The following CFH variants were observed in gnomAD, a reference collection of about 807,000 sequenced individuals.
CFH encodes the protein complement factor H.
A neutral mutation model predicts 147.3 loss-of-function variants in CFH; 53 were observed. The observed-to-expected ratio is 0.36, with a 90% CI of 0.29 to 0.45. The LOEUF (loss-of-function observed/expected upper bound fraction) is 0.45, where lower values mean the gene tolerates loss of function less well. Ranked by LOEUF, CFH falls within the 20% of genes least tolerant of loss-of-function variation. CFH has a pLI of 1.00. For synonymous variants in CFH, 536 were observed against 489.4 expected, an observed-to-expected ratio of 1.10 and a Z score of -1.26; for missense variants, 1,380 against 1,498.0, an observed-to-expected ratio of 0.92 and a Z score of 1.30.
At chr1:196,658,585 G>A (rs1207743881) in intron 1 of CFH, among the ~76,000 whole-genome samples, 1 of 151,572 alleles carries the variant, frequency 6.6e-6, no homozygotes. Context: ...CTATTTTTTT[G>A]TATTTGTAGT....
Position 196,745,824 on chromosome 1 carries a change from A to G in CFH, c.3318A>G (p.Thr1106=), listed in dbSNP as rs1137971. ...TGAAATGATGTTTTTTAGATTCTAC[A>G]GGAAAATGTGGGCCCCCTCCACCTA... is the stretch of plus-strand genomic sequence containing the variant. ...WTEPPQCKDS[T]GKCGPPPPID... is the part of the protein sequence containing the mutation. Residue 1106 remains threonine, a synonymous_variant, in exon 21 of 22, where the codon ACA becomes ACG. Transcript: ENST00000367429. The G allele has an allele frequency of 1.9e-4, 306 of 1,613,958 alleles. 1 individual carries two copies. The highest frequency in any genetic ancestry group is 8.5e-4 in the South Asian group (77 of 91,062).
intron 7 of CFH, among the ~76,000 whole-genome samples, chr1:196,688,745 G>T (rs1667911699): frequency 6.6e-6 from 1 of 152,004 alleles, no homozygotes; most frequent in East Asian, 1.9e-4. Context: ...TAAGTAGCTG[G>T]AATTACAGGG....
chr1:196,670,846 A>G (rs1667252404), intron 1 of CFH, among the ~76,000 whole-genome samples: 1 of 152,100 alleles, frequency 6.6e-6, no homozygotes, highest in Admixed American at 6.5e-5. Flanking sequence ...TCTTTCATCA[A>G]TTTTGGAAAC....
intron 3 of CFH, among the ~76,000 whole-genome samples, chr1:196,674,916 G>A (rs1667404206): frequency 6.6e-6 from 1 of 152,106 alleles, no homozygotes; most frequent in Non-Finnish European, 1.5e-5. Context: ...AAGAGACCTT[G>A]AGATATAGTA....
chr1:196,683,680 G>C (rs1455914310), intron 6 of CFH, among the ~76,000 whole-genome samples: 1 of 151,652 alleles, frequency 6.6e-6, no homozygotes, highest in Non-Finnish European at 1.5e-5. Flanking sequence ...AAGCTAACCT[G>C]AATTTGAAAG....
At chr1:196,719,816 T>C (rs1456901859) in intron 11 of CFH, among the ~76,000 whole-genome samples, 1 of 151,734 alleles carries the variant, frequency 6.6e-6, no homozygotes, top group Non-Finnish European at 1.5e-5. Flanking sequence ...AATTGTTATA[T>C]GTTAACATAA....
At chr1:196,716,933 G>A (rs1025537028) in intron 11 of CFH, among the ~76,000 whole-genome samples, 9 of 151,950 alleles carry the variant, frequency 5.9e-5, no homozygotes, top group Non-Finnish European at 1.2e-4. Flanking sequence ...TATGCATTTC[G>A]GAATATCATC....
chr1:196,655,417 TC>T (rs1450545196), intron 1 of CFH, among the ~76,000 whole-genome samples: 1 of 152,222 alleles, frequency 6.6e-6, no homozygotes, highest in Admixed American at 6.5e-5. Flanking sequence ...CATATGCTAC[TC>T]TTTTGCCTAC....
At chr1:196,738,124 TATCC>T (rs1413746346) in intron 17 of CFH, among the ~76,000 whole-genome samples, 1 of 152,142 alleles carries the variant, frequency 6.6e-6, no homozygotes, top group East Asian at 1.9e-4. Flanking sequence ...ACACACTCAC[TATCC>T]TGAGAACAGA....
At chr1:196,675,431 C>A (rs1235895704) in intron 3 of CFH, among the ~76,000 whole-genome samples, 1 of 152,034 alleles carries the variant, frequency 6.6e-6, no homozygotes, top group Non-Finnish European at 1.5e-5. Context: ...TTTTGGCTGG[C>A]ACTATCTTTA....
At position 196,703,268 on chromosome 1, in the gene CFH, G is replaced by A. The variant is rs1367564091; in HGVS notation, c.1337-10467G>A. 3.9e-5 allele frequency among the ~76,000 whole-genome samples: 6 copies of A among 152,210 alleles called. No homozygotes were observed. The East Asian group carries it at 7.7e-4, about 20-fold the overall frequency. ...TGGGCCCCCAAAGGCCAATAAAAAC[G>A]GACATCCCATTGCAGGTCCCAACCA... is the stretch of plus-strand genomic sequence containing the variant. On this transcript the variant is annotated intron_variant, in intron 9 of 21. Coordinates refer to ENST00000367429, the MANE Select transcript of CFH (RefSeq NM_000186.4).
intron 1 of CFH, among the ~76,000 whole-genome samples, chr1:196,656,562 A>G (rs1162733919): frequency 2.0e-5 from 3 of 152,100 alleles, no homozygotes; most frequent in Admixed American, 6.5e-5. Flanking sequence ...CATAATCTAC[A>G]GATATAATGG....
chr1:196,698,996 T>C (rs1420111635), intron 9 of CFH, among the ~76,000 whole-genome samples: 1 of 152,146 alleles, frequency 6.6e-6, no homozygotes, highest in Non-Finnish European at 1.5e-5. Flanking sequence ...TTCAATAAAA[T>C]TCAACACCCC....
Position 196,735,046 on chromosome 1 carries a change from C to T in CFH, c.2414-1778C>T, listed in dbSNP as rs185241907. Among the ~76,000 whole-genome samples, 506 of 152,126 alleles carry T rather than the reference C, an allele frequency of 3.3e-3. 2 individuals are homozygous for T. The highest frequency in any genetic ancestry group is 0.012 in the African/African-American group (496 of 41,502). ...ACTTTGAAAATATAAAACTTTAAAG[C>T]TCTATTCTTTTAAGCACTGCTTTAG... On this transcript the variant is annotated intron_variant, in intron 15 of 21. Coordinates refer to ENST00000367429, the MANE Select transcript of CFH (RefSeq NM_000186.4).
At chr1:196,684,267 A>G (rs1302182714) in intron 6 of CFH, among the ~76,000 whole-genome samples, 1 of 152,008 alleles carries the variant, frequency 6.6e-6, no homozygotes, top group Non-Finnish European at 1.5e-5. Flanking sequence ...CTTTTGTACT[A>G]TAATGGCAGA....
At chr1:196,740,956 C>T (rs943065970) in intron 18 of CFH, 164 bp downstream of exon 18, 6 of 699,616 alleles carry the variant, frequency 8.6e-6, no homozygotes, top group African/African-American at 5.4e-5. Flanking sequence ...AAACATTTGA[C>T]ATTATAAGCC....
intron 9 of CFH, among the ~76,000 whole-genome samples, chr1:196,707,809 A>G (rs1235175344): frequency 6.6e-6 from 1 of 152,216 alleles, no homozygotes; most frequent in Non-Finnish European, 1.5e-5. Flanking sequence ...CTTGACAACT[A>G]CAATAGTTAC....
intron 10 of CFH, among the ~76,000 whole-genome samples, chr1:196,714,678 G>GAGAA (rs1668820304): frequency 2.4e-5 from 1 of 42,024 alleles, no homozygotes; most frequent in Admixed American, 3.1e-4. Flanking sequence ...TAGAGAGAGA[G>GAGAA]AGAGAGAGAG....
At chr1:196,703,908 G>A (rs774669950) in intron 9 of CFH, among the ~76,000 whole-genome samples, 6 of 149,452 alleles carry the variant, frequency 4.0e-5, no homozygotes, top group Admixed American at 6.7e-5. Context: ...GGCGTGAATC[G>A]GGGAGGCAGA....
Sources: allele counts gnomAD v4.1 joint callset (sites outside exome capture counted in the v4.1 genomes callset), GRCh38; gene constraint gnomAD v4.1.1; transcripts MANE v1.5; gene names NCBI Gene and HGNC (gene_info 2026-07-23, HGNC 2026-07-21).